The following TSPAN9 variants were observed in gnomAD, a reference collection of about 807,000 sequenced individuals.
The protein encoded by TSPAN9 is tetraspanin-9.
A neutral mutation model predicts 31.0 loss-of-function variants in TSPAN9; 16 were observed. The ratio of observed to expected loss-of-function variants is 0.52; its 90% confidence interval spans 0.35 to 0.78. The LOEUF (loss-of-function observed/expected upper bound fraction) is 0.78. Ranked by LOEUF, TSPAN9 falls within the 30% of genes least tolerant of loss-of-function variation. The pLI is 0.01. For missense variants in TSPAN9, 272 were observed against 312.5 expected, an observed-to-expected ratio of 0.87 and a Z score of 0.98; for synonymous variants, 145 against 121.6, an observed-to-expected ratio of 1.19 and a Z score of -1.27.
intron 3 of TSPAN9, among the ~76,000 whole-genome samples, chr12:3,272,638 G>A (rs555610213): frequency 3.4e-4 from 52 of 152,198 alleles, no homozygotes; most frequent in African/African-American, 1.1e-3. Flanking sequence ...CTGTGGGCCC[G>A]GCGCTGGCAG....
chr12:3,250,262 G>A (rs563951393), intron 3 of TSPAN9, among the ~76,000 whole-genome samples: 4 of 152,266 alleles, frequency 2.6e-5, no homozygotes, highest in African/African-American at 7.2e-5. Context: ...AAGCTCAGAC[G>A]CCCTTTATTT....
At chr12:3,105,831 CTT>C (rs917288015) in intron 2 of TSPAN9, among the ~76,000 whole-genome samples, 7 of 144,736 alleles carry the variant, frequency 4.8e-5, no homozygotes, top group Admixed American at 1.5e-4. Context: ...CGCACACACA[CTT>C]TCATACACAC....
At chr12:3,201,383 A>T (rs868342369) in intron 3 of TSPAN9, 127 bp downstream of exon 3, 13 of 833,824 alleles carry the variant, frequency 1.6e-5, no homozygotes, top group South Asian at 1.2e-4. Context: ...GTGTGCTTTT[A>T]AAAAAAAATT....
intron 3 of TSPAN9, among the ~76,000 whole-genome samples, chr12:3,269,257 TGCAGCCTGCC>T (rs1182479388): frequency 7.6e-5 from 3 of 39,368 alleles, no homozygotes; most frequent in African/African-American, 1.9e-4. Flanking sequence ...CCTGTGTTCC[TGCAGCCTGCC>T]CTGTGTTCCT....
chr12:3,177,536 G>A (rs189557128), intron 2 of TSPAN9, among the ~76,000 whole-genome samples: 4 of 146,872 alleles, frequency 2.7e-5, no homozygotes, highest in African/African-American at 7.6e-5. Context: ...GGTTTCAAGA[G>A]ATTCTCCTGC....
intron 3 of TSPAN9, among the ~76,000 whole-genome samples, chr12:3,240,077 A>C (rs1224094840): frequency 1.3e-5 from 2 of 152,054 alleles, no homozygotes; most frequent in Non-Finnish European, 2.9e-5. Context: ...ATTCACAAAA[A>C]TAAAGCACAT....
chr12:3,121,533 C>CGTTTTTTTT lies in TSPAN9; in HGVS notation c.-18+37814_-18+37815insGTTTTTTTT, dbSNP rs1426241959. 5.4e-5 allele frequency among the ~76,000 whole-genome samples: 5 copies of CGTTTTTTTT among 92,914 alleles called. 2 individuals carry two copies. Among genetic ancestry groups the CGTTTTTTTT allele is most frequent in the Non-Finnish European group, 7.9e-5 (4 of 50,774 alleles). 61.0% of individuals were successfully genotyped at this position (92,914 alleles called of 152,430 possible). The stretch of plus-strand genomic sequence containing the variant: ...TGCCACCATATCTGGCTAATTAAAA[C>CGTTTTTTTT]TTTTTTTTTTTTTTTTTTTTTTTTT... On this transcript the variant is annotated intron_variant, in intron 2 of 8. Transcript: ENST00000011898.
rs556267929 is a variant in TSPAN9, at chr12:3,142,893, C to G, written c.-17-58284C>G. The stretch of plus-strand genomic sequence containing the variant: ...GAGCGCCCTTTTTCTGTACCAGGAG[C>G]CTCCATTGCGTTGAGTTGTCCTGTC... On this transcript the variant is annotated intron_variant, in intron 2 of 8. Coordinates refer to ENST00000011898, the MANE Select transcript of TSPAN9 (RefSeq NM_006675.5). Among the ~76,000 whole-genome samples the G allele has an allele frequency of 5.3e-5, 8 of 152,316 alleles. No homozygotes were observed. The East Asian group carries it at 1.5e-3, about 29-fold the overall frequency.
At chr12:3,219,848 T>TAA (rs552211012) in intron 3 of TSPAN9, among the ~76,000 whole-genome samples, 3,964 of 135,814 alleles carry the variant, frequency 0.029, 154 homozygotes, top group African/African-American at 0.082. Flanking sequence ...CTTAAACTAT[T>TAA]AAAAAAAAAA....
intron 2 of TSPAN9, chr12:3,200,598 C>G (rs1255436522): frequency 6.6e-6 from 1 of 152,360 alleles, no homozygotes; most frequent in Non-Finnish European, 1.5e-5. Context: ...AGCTGACGGC[C>G]TGGAAAGAGA....
chr12:3,280,421 C>T lies in TSPAN9; in HGVS notation c.370C>T (p.Leu124=). 3.7e-6 allele frequency: 6 copies of T among 1,613,488 alleles called. No individual in the cohort carries two copies. The highest frequency in any genetic ancestry group is 4.2e-6 in the Non-Finnish European group (5 of 1,180,014). The change falls in exon 6 of 9, where the codon CTG becomes TTG. Residue 124 remains leucine (L), a synonymous_variant. Coordinates refer to ENST00000011898, the MANE Select transcript of TSPAN9 (RefSeq NM_006675.5). The surrounding 1 kb of genome is among the most constrained non-coding windows in gnomAD (Gnocchi z 4.5). The part of the protein sequence containing the change: ...NAKKDLKEGL[L]LYHTENNVGL... Reference sequence around the variant, plus strand: ...CAAGAAGGACCTGAAGGAAGGCCTGCTGCTGTACCACACCGAGAACAACGT... The same window carrying T: ...CAAGAAGGACCTGAAGGAAGGCCTGTTGCTGTACCACACCGAGAACAACGT...
intron 3 of TSPAN9, among the ~76,000 whole-genome samples, chr12:3,215,760 C>G (rs1444798166): frequency 2.0e-5 from 3 of 152,162 alleles, no homozygotes; most frequent in Non-Finnish European, 4.4e-5. Context: ...ATTTGCTGCT[C>G]TCTCCAGGCT....
intron 3 of TSPAN9, among the ~76,000 whole-genome samples, chr12:3,228,140 G>A (rs1308162000): frequency 6.6e-6 from 1 of 152,142 alleles, no homozygotes; most frequent in Non-Finnish European, 1.5e-5. Context: ...CTTGAGGCTA[G>A]GAGTTTGAGA....
intron 2 of TSPAN9, among the ~76,000 whole-genome samples, chr12:3,155,508 A>T (rs1302792336): frequency 6.6e-6 from 1 of 151,956 alleles, no homozygotes; most frequent in African/African-American, 2.4e-5. Context: ...CCGAGGCGGG[A>T]GGATCCCTTG....
At chr12:3,165,970 A>G (rs1232845802) in intron 2 of TSPAN9, among the ~76,000 whole-genome samples, 1 of 152,108 alleles carries the variant, frequency 6.6e-6, no homozygotes, top group Non-Finnish European at 1.5e-5. Flanking sequence ...CCAGGTGTGG[A>G]TGGAACTCGT....
intron 2 of TSPAN9, among the ~76,000 whole-genome samples, chr12:3,102,586 C>T (rs180673234): frequency 9.5e-4 from 144 of 151,930 alleles, no homozygotes; most frequent in African/African-American, 3.0e-3. Flanking sequence ...TACAGGCGCC[C>T]GCCACCACGC....
At chr12:3,270,778 G>A (rs1338125199) in intron 3 of TSPAN9, among the ~76,000 whole-genome samples, 2 of 152,244 alleles carry the variant, frequency 1.3e-5, no homozygotes, top group Non-Finnish European at 2.9e-5. Context: ...CTTCATCGTG[G>A]ACTCTTCCAC....
intron 3 of TSPAN9, among the ~76,000 whole-genome samples, chr12:3,230,071 A>T (rs1415543178): frequency 6.6e-6 from 1 of 151,846 alleles, no homozygotes; most frequent in East Asian, 1.9e-4. Flanking sequence ...TTCTCCTCCC[A>T]TCATCTGTCT....
At chr12:3,195,117 G>A (rs921696751) in intron 2 of TSPAN9, among the ~76,000 whole-genome samples, 1 of 152,276 alleles carries the variant, frequency 6.6e-6, no homozygotes, top group African/African-American at 2.4e-5. Flanking sequence ...CCTTGTTTGA[G>A]GCTTAAAGGC....
Sources: gnomAD v4.1 joint callset for allele counts (sites outside exome capture counted in the v4.1 genomes callset) on GRCh38, gnomAD v4.1.1 for gene constraint, Gnocchi (gnomAD v3.1) non-coding constraint, MANE v1.5 for transcripts, NCBI Gene and HGNC (gene_info 2026-07-23, HGNC 2026-07-21) for gene names.